The following RYR3 variants were observed in gnomAD, a reference collection of about 807,000 sequenced individuals.
RYR3 encodes the protein ryanodine receptor 3, also known as brain ryanodine receptor-calcium release channel.
RYR3 carries 207 observed loss-of-function variants against 584.3 expected under a neutral mutation model. The observed-to-expected ratio is 0.35, with a 90% CI of 0.32 to 0.40. The LOEUF is 0.40. RYR3 is among the 10% of genes least tolerant of loss of function. RYR3 has a pLI of 1.00. For synonymous variants in RYR3, 2,416 were observed against 2,248.5 expected (o/e 1.07, Z -2.11); for missense variants, 5,616 against 6,089.2 (o/e 0.92, Z 2.59).
At chr15:33,819,840 C>T in intron 77 of RYR3, 33 bp downstream of exon 77, 1 of 1,522,306 alleles carries the variant, frequency 6.6e-7, no homozygotes, top group South Asian at 1.2e-5. Flanking sequence ...TTGTCTCTGT[C>T]TTTCTGTCTT....
chr15:33,714,039 C>A (rs1191539775), intron 43 of RYR3, among the ~76,000 whole-genome samples: 1 of 152,096 alleles, frequency 6.6e-6, no homozygotes, highest in African/African-American at 2.4e-5. Context: ...TAGATGAAGA[C>A]CCTGAAGCTT....
intron 93 of RYR3, among the ~76,000 whole-genome samples, chr15:33,847,986 A>T (rs1287819746): frequency 2.0e-5 from 3 of 152,156 alleles, no homozygotes; most frequent in African/African-American, 4.8e-5. Context: ...AACTCATTCA[A>T]CCCTGGGGCT....
chr15:33,377,436 C>A (rs1008958529), intron 1 of RYR3, among the ~76,000 whole-genome samples: 1 of 152,180 alleles, frequency 6.6e-6, no homozygotes, highest in Non-Finnish European at 1.5e-5. Flanking sequence ...TATGACCACT[C>A]ATATCTAACC....
chr15:33,574,117 A>G (rs7177433), intron 12 of RYR3, among the ~76,000 whole-genome samples: 27,866 of 151,958 alleles, frequency 0.18, 4,450 homozygotes, highest in African/African-American at 0.44. Flanking sequence ...CAAATATCAC[A>G]CTGATAATGG....
chr15:33,779,127 C>T (rs1044861679), intron 64 of RYR3, among the ~76,000 whole-genome samples: 1 of 152,146 alleles, frequency 6.6e-6, no homozygotes, highest in Non-Finnish European at 1.5e-5. Context: ...TCAAGGAGAG[C>T]ACTTCTATAT....
At chr15:33,586,140 T>G in intron 16 of RYR3, 24 bp downstream of exon 16, 1 of 1,364,636 alleles carries the variant, frequency 7.3e-7, no homozygotes, top group Non-Finnish European at 1.0e-6. Flanking sequence ...GAACGGTGAT[T>G]GACTTTGCCT....
At position 33,853,517 on chromosome 15, in the gene RYR3, C is replaced by A. The variant is rs762247616; in HGVS notation, c.13672-38C>A. ...AGAGCTAGAAAATATTTGGTGGTGG[C>A]GTGTGGCCTGAGCTCACCCTGTCAT... is the stretch of plus-strand genomic sequence containing the variant. On this transcript the variant is annotated intron_variant, in intron 95 of 103. Transcript: ENST00000634891. 3 of 1,602,528 alleles carry A rather than the reference C, an allele frequency of 1.9e-6. No homozygotes were observed. In the African/African-American group the frequency reaches 4.0e-5, roughly 21 times the overall value.
At chr15:33,753,247 T>G (rs969743195) in intron 57 of RYR3, among the ~76,000 whole-genome samples, 2 of 152,250 alleles carry the variant, frequency 1.3e-5, no homozygotes, top group Admixed American at 6.5e-5. Context: ...TTATATGATA[T>G]CTTATTAAAT....
intron 86 of RYR3, among the ~76,000 whole-genome samples, chr15:33,831,381 G>A (rs1196675832): frequency 6.6e-6 from 1 of 152,202 alleles, no homozygotes; most frequent in East Asian, 1.9e-4. Context: ...GAAAGAAAAT[G>A]TCTTACTCAA....
chr15:33,413,174 G>C (rs1483006100), intron 1 of RYR3, among the ~76,000 whole-genome samples: 1 of 152,196 alleles, frequency 6.6e-6, no homozygotes, highest in Non-Finnish European at 1.5e-5. Flanking sequence ...TTTGAGAAAA[G>C]GGAGGGAGCT....
intron 67 of RYR3, among the ~76,000 whole-genome samples, chr15:33,799,934 T>TTTTG (rs59478933): frequency 0.7 from 106,813 of 151,546 alleles, 38,178 homozygotes; most frequent in East Asian, 0.96. Context: ...AGTGGGGGTT[T>TTTTG]TTTGTTTGTT....
At chr15:33,849,265 C>G (rs2078934516) in intron 94 of RYR3, 1 of 152,238 alleles carries the variant, frequency 6.6e-6, no homozygotes. Flanking sequence ...GGAGGCAAGC[C>G]TGCCTTCCTG....
Position 33,477,287 on chromosome 15 carries a change from CA to C in RYR3, c.171+3754del, listed in dbSNP as rs1801072576. Reference sequence around the variant, plus strand: ...CAGAGAAAAAAAGAGATAAAGTGTTCAAAAACTATTCTTGGTGTGTGACCCG... The same window carrying C: ...CAGAGAAAAAAAGAGATAAAGTGTTCAAAACTATTCTTGGTGTGTGACCCG... On this transcript the variant is annotated intron_variant, in intron 2 of 103. Coordinates refer to ENST00000634891, the MANE Select transcript of RYR3 (RefSeq NM_001036.6). Among the ~76,000 whole-genome samples the C allele has an allele frequency of 2.0e-5, 3 of 152,074 alleles. No homozygotes were observed. The South Asian group carries it at 6.3e-4, about 32-fold the overall frequency.
intron 31 of RYR3, 73 bp downstream of exon 31, chr15:33,649,308 CCCACACCCAAAG>C (rs2062314387): frequency 5.7e-6 from 8 of 1,403,890 alleles, no homozygotes; most frequent in Admixed American, 1.9e-5. Context: ...TTTCTTCCAC[CCCACACCCAAAG>C]AAGGAAACAT....
intron 53 of RYR3, among the ~76,000 whole-genome samples, chr15:33,747,419 C>CTTTTTT (rs397854038): frequency 4.2e-5 from 3 of 71,914 alleles, no homozygotes; most frequent in African/African-American, 6.4e-5. Flanking sequence ...TGTTGTCACC[C>CTTTTTT]TTTTTTTTTT....
At chr15:33,579,159 G>T (rs1054295977) in intron 12 of RYR3, among the ~76,000 whole-genome samples, 5 of 152,106 alleles carry the variant, frequency 3.3e-5, no homozygotes, top group Admixed American at 6.5e-5. Context: ...AGGCAGAGAA[G>T]AAGGATGTTT....
intron 3 of RYR3, among the ~76,000 whole-genome samples, chr15:33,527,913 A>G (rs1267796041): frequency 6.6e-6 from 1 of 152,166 alleles, no homozygotes; most frequent in African/African-American, 2.4e-5. Context: ...TGGCAGGCGC[A>G]AGGTGCTGAG....
At chr15:33,799,756 G>A (rs2075822036) in intron 67 of RYR3, among the ~76,000 whole-genome samples, 1 of 152,200 alleles carries the variant, frequency 6.6e-6, no homozygotes, top group Non-Finnish European at 1.5e-5. Context: ...CTGAAGTGAG[G>A]GGCAGGCTTG....
chr15:33,389,163 C>A (rs1207334523), intron 1 of RYR3, among the ~76,000 whole-genome samples: 1 of 151,184 alleles, frequency 6.6e-6, no homozygotes, highest in East Asian at 2.0e-4. Flanking sequence ...ACCAACATGG[C>A]ACATGTATAC....
Sources: allele counts gnomAD v4.1 joint callset (sites outside exome capture counted in the v4.1 genomes callset), GRCh38; gene constraint gnomAD v4.1.1; transcripts MANE v1.5; gene names NCBI Gene and HGNC (gene_info 2026-07-23, HGNC 2026-07-21).